The following PRKD1 variants were observed in gnomAD, a reference collection of about 807,000 sequenced individuals.
PRKD1 encodes the protein serine/threonine-protein kinase D1.
In PRKD1, 63 loss-of-function variants were observed where a neutral mutation model predicts 95.9. That is an observed-to-expected ratio of 0.66 (90% CI 0.54 to 0.81). The LOEUF (loss-of-function observed/expected upper bound fraction) is 0.81. Among genes scored for constraint, PRKD1 ranks in the 30% least tolerant of loss-of-function variants. PRKD1 has a pLI of 0.00. For missense variants in PRKD1, 1,048 were observed against 1,165.3 expected (o/e 0.90, Z 1.47); for synonymous variants, 425 against 423.1 (o/e 1.00, Z -0.05).
At chr14:29,686,781 T>C (rs915185331) in intron 2 of PRKD1, among the ~76,000 whole-genome samples, 1 of 152,208 alleles carries the variant, frequency 6.6e-6, no homozygotes, top group African/African-American at 2.4e-5. Context: ...GGATTACTTG[T>C]AACATGATTA....
intron 1 of PRKD1, among the ~76,000 whole-genome samples, chr14:29,750,602 A>C (rs990204743): frequency 3.2e-4 from 45 of 140,146 alleles, no homozygotes; most frequent in African/African-American, 9.6e-4. Flanking sequence ...CTATCCCAGG[A>C]TGCATGAACG....
At chr14:29,654,988 A>T (rs1201411418) in intron 4 of PRKD1, among the ~76,000 whole-genome samples, 6 of 152,234 alleles carry the variant, frequency 3.9e-5, no homozygotes, top group South Asian at 2.1e-4. Flanking sequence ...TTCCATCAGG[A>T]GCTAGCCTGT....
chr14:29,826,688 C>CATATATAT (rs1405082076), intron 1 of PRKD1, among the ~76,000 whole-genome samples: 1 of 41,254 alleles, frequency 2.4e-5, no homozygotes, highest in Non-Finnish European at 5.0e-5. Flanking sequence ...TATATATACA[C>CATATATAT]ACATATATAT....
chr14:29,644,531 A>G (rs955278072), intron 4 of PRKD1, among the ~76,000 whole-genome samples: 4 of 152,134 alleles, frequency 2.6e-5, no homozygotes, highest in African/African-American at 9.7e-5. Flanking sequence ...TAGTTTTTCA[A>G]AAGAAGCAGG....
At chr14:29,883,461 T>A (rs758090018) in intron 1 of PRKD1, among the ~76,000 whole-genome samples, 23 of 152,232 alleles carry the variant, frequency 1.5e-4, no homozygotes, top group Non-Finnish European at 2.5e-4. Context: ...TTTTTCTCTA[T>A]ATATTATTTT....
At chr14:29,747,544 G>A (rs1887285661) in intron 1 of PRKD1, among the ~76,000 whole-genome samples, 1 of 151,920 alleles carries the variant, frequency 6.6e-6, no homozygotes, top group African/African-American at 2.4e-5. Flanking sequence ...GGTAGAAATA[G>A]CCCAAATGTC....
intron 1 of PRKD1, among the ~76,000 whole-genome samples, chr14:29,759,784 A>G (rs1887888598): frequency 6.6e-6 from 1 of 152,210 alleles, no homozygotes; most frequent in African/African-American, 2.4e-5. Flanking sequence ...TGAAAGCCTT[A>G]GATGAAAGTG....
intron 6 of PRKD1, 126 bp downstream of exon 6, chr14:29,638,363 A>G (rs749046872): frequency 1.4e-5 from 13 of 901,812 alleles, no homozygotes; most frequent in Non-Finnish European, 2.2e-5. Context: ...CACTGGCCAT[A>G]ATTTACTTTA....
At chr14:29,908,594 C>G (rs1231916036) in intron 1 of PRKD1, among the ~76,000 whole-genome samples, 1 of 152,112 alleles carries the variant, frequency 6.6e-6, no homozygotes, top group East Asian at 1.9e-4. Flanking sequence ...CTACATTGGT[C>G]AATTTTTAAA....
intron 1 of PRKD1, among the ~76,000 whole-genome samples, chr14:29,787,227 T>G (rs933192501): frequency 6.7e-6 from 1 of 150,236 alleles, no homozygotes; most frequent in African/African-American, 2.4e-5. Flanking sequence ...TTTTTTTTTT[T>G]TTTTTTTTTT....
chr14:29,694,031 G>A (rs1427411916), intron 2 of PRKD1, among the ~76,000 whole-genome samples: 1 of 152,036 alleles, frequency 6.6e-6, no homozygotes, highest in Non-Finnish European at 1.5e-5. Flanking sequence ...AACCTTCATA[G>A]GAACCCTCTA....
At chr14:29,838,917 A>G (rs1891718803) in intron 1 of PRKD1, among the ~76,000 whole-genome samples, 1 of 152,164 alleles carries the variant, frequency 6.6e-6, no homozygotes, top group South Asian at 2.1e-4. Flanking sequence ...AACAAACATC[A>G]AATTTATGGT....
chr14:29,779,514 T>C (rs1262367727), intron 1 of PRKD1, among the ~76,000 whole-genome samples: 1 of 152,056 alleles, frequency 6.6e-6, no homozygotes, highest in African/African-American at 2.4e-5. Context: ...GAGAGCCAAA[T>C]CATGAGTGAA....
intron 1 of PRKD1, among the ~76,000 whole-genome samples, chr14:29,855,471 T>G (rs1310890370): frequency 2.0e-5 from 3 of 152,206 alleles, no homozygotes; most frequent in African/African-American, 7.2e-5. Context: ...ATTTACCCAG[T>G]GCCTTTTACA....
intron 13 of PRKD1, among the ~76,000 whole-genome samples, chr14:29,615,094 A>T (rs1428244514): frequency 1.3e-5 from 2 of 152,142 alleles, no homozygotes; most frequent in Non-Finnish European, 2.9e-5. Flanking sequence ...ATTACATTGA[A>T]ATATAATTCT....
At chr14:29,830,864 T>C (rs1891380582) in intron 1 of PRKD1, among the ~76,000 whole-genome samples, 1 of 152,060 alleles carries the variant, frequency 6.6e-6, no homozygotes, top group Admixed American at 6.6e-5. Flanking sequence ...AACTAATTTT[T>C]TGTAGAAACG....
intron 2 of PRKD1, among the ~76,000 whole-genome samples, chr14:29,689,513 C>T (rs75350604): frequency 0.1 from 15,542 of 152,128 alleles, 958 homozygotes; most frequent in African/African-American, 0.16. Flanking sequence ...AACACTTTTA[C>T]ACTATTAGTA....
chr14:29,689,145 A>T (rs1026735641), intron 2 of PRKD1, among the ~76,000 whole-genome samples: 1 of 152,028 alleles, frequency 6.6e-6, no homozygotes, highest in Non-Finnish European at 1.5e-5. Context: ...GCTTCTGCAC[A>T]ACAAAAGAAA....
At chr14:29,596,387 T>C (rs1447232597) in intron 16 of PRKD1, among the ~76,000 whole-genome samples, 1 of 152,190 alleles carries the variant, frequency 6.6e-6, no homozygotes, top group Non-Finnish European at 1.5e-5. Context: ...TGAAAAAAAG[T>C]ATGTTCAGAC....
Sources: gnomAD v4.1 joint callset for allele counts (sites outside exome capture counted in the v4.1 genomes callset) on GRCh38, gnomAD v4.1.1 for gene constraint, MANE v1.5 for transcripts, NCBI Gene and HGNC (gene_info 2026-07-23, HGNC 2026-07-21) for gene names.